Variants in TNIP2 observed in about 807,000 individuals in gnomAD.
The protein encoded by TNIP2 is TNFAIP3 interacting protein 2, also known as TNFAIP3-interacting protein 2.
Under a neutral mutation model 43.7 loss-of-function variants are expected in TNIP2, and 30 were observed. That is an observed-to-expected ratio of 0.69 (90% CI 0.51 to 0.93). TNIP2 has a LOEUF of 0.93. Among genes scored for constraint, TNIP2 ranks in the 40% least tolerant of loss-of-function variants. The probability of loss-of-function intolerance (pLI) is 0.00; values close to 1 mark genes in which losing one functional copy is unlikely to be tolerated. For synonymous variants in TNIP2, 260 were observed against 254.6 expected (o/e 1.02, Z -0.20); for missense variants, 599 against 591.0 (o/e 1.01, Z -0.14).
chr4:2,754,268 G>C (rs1722170380), intron 1 of TNIP2, among the ~76,000 whole-genome samples: 1 of 152,236 alleles, frequency 6.6e-6, no homozygotes, highest in African/African-American at 2.4e-5. Flanking sequence ...ATAGATGCCA[G>C]AGCTCACCCG....
chr4:2,751,304 A>G (rs1722096817), intron 1 of TNIP2, among the ~76,000 whole-genome samples: 1 of 152,226 alleles, frequency 6.6e-6, no homozygotes, highest in African/African-American at 2.4e-5. Context: ...ACTAGTCAGC[A>G]ACTGGGCTGA....
chr4:2,745,613 GC>G, intron 2 of TNIP2, 78 bp from the exon 3 acceptor site: 1 of 990,404 alleles, frequency 1.0e-6, no homozygotes, highest in Non-Finnish European at 1.6e-6. Flanking sequence ...AGAGGCTGAG[GC>G]CACAGATTAT....
At chr4:2,745,331 A>C (rs970119707) in intron 3 of TNIP2, 115 bp downstream of exon 3, 4 of 775,916 alleles carry the variant, frequency 5.2e-6, no homozygotes, top group African/African-American at 1.7e-5. Context: ...TGTGTGTATC[A>C]AGTCCTAGTG....
intron 3 of TNIP2, chr4:2,745,198 G>A (rs1721913350): frequency 3.3e-6 from 2 of 608,946 alleles, no homozygotes; most frequent in African/African-American, 3.7e-5. Flanking sequence ...CTTAGAAAAT[G>A]GACCTCCTGC....
chr4:2,747,348 G>C (rs73189423), intron 2 of TNIP2: 9,680 of 346,054 alleles, frequency 0.028, 197 homozygotes, highest in Middle Eastern at 0.073. Context: ...GCCAGGCTCA[G>C]CTCCTCCTCC....
intron 5 of TNIP2, among the ~76,000 whole-genome samples, chr4:2,743,842 G>A (rs535399579): frequency 6.6e-6 from 1 of 152,292 alleles, no homozygotes; most frequent in South Asian, 2.1e-4. Context: ...GAGGCCATGG[G>A]TCACACACTG....
chr4:2,744,455 C>A lies in TNIP2; in HGVS notation c.958G>T (p.Ala320Ser), dbSNP rs141335755. The change falls in exon 5 of 6, where the codon GCT (alanine) becomes TCT (serine). Residue 320 changes from alanine to serine, a missense_variant. Coordinates refer to ENST00000315423, the MANE Select transcript of TNIP2 (RefSeq NM_024309.4). This position sits in a 1 kb window ranked among gnomAD's most constrained non-coding sequence, Gnocchi z 5.1. The part of the protein sequence containing the change: ...FMSERADRER[A>S]QSRIQELEEK... Reference sequence around the variant, plus strand: ...TCCAGTTCTTGAATCCTACTTTGAGCCCGTTCCCGATCGGCCCTTTCTGAC... The same window carrying A: ...TCCAGTTCTTGAATCCTACTTTGAGACCGTTCCCGATCGGCCCTTTCTGAC... 12 of 1,614,226 alleles carry A rather than the reference C, an allele frequency of 7.4e-6. No individual in the cohort carries two copies. The African/African-American group carries it at 1.6e-4, about 22-fold the overall frequency.
intron 2 of TNIP2, chr4:2,747,342 G>C (rs2295498): frequency 0.81 from 255,445 of 315,764 alleles, 103,974 homozygotes; most frequent in Admixed American, 0.88. Flanking sequence ...AGCTCTGCCA[G>C]GCTCAGCTCC....
chr4:2,742,543 T>G, intron 5 of TNIP2, 23 bp from the exon 6 acceptor site: 1 of 1,542,150 alleles, frequency 6.5e-7, no homozygotes, highest in Non-Finnish European at 8.8e-7. Context: ...CAAGGGTGTA[T>G]ATACGTGGGC....
Position 2,756,006 on chromosome 4 carries a change from C to T in TNIP2, c.276+8G>A. ...CTCCCGCAGCTCCTCTGGTACCCGC[C>T]CTCGTACCTGGCGCATCTGGGCCTC... On this transcript the variant is annotated splice_region_variant and intron_variant, in intron 1 of 5. Coordinates refer to ENST00000315423, the MANE Select transcript of TNIP2 (RefSeq NM_024309.4). The T allele has an allele frequency of 1.9e-6, 3 of 1,546,118 alleles. No individual in the cohort carries two copies. The highest frequency in any genetic ancestry group is 2.6e-6 in the Non-Finnish European group (3 of 1,157,768).
intron 1 of TNIP2, among the ~76,000 whole-genome samples, 173 bp from the exon 2 acceptor site, chr4:2,748,118 T>C (rs1722003515): frequency 6.6e-6 from 1 of 152,232 alleles, no homozygotes; most frequent in Non-Finnish European, 1.5e-5. Context: ...AGTTGGGCAT[T>C]TGAACTATTA....
At chr4:2,754,198 T>C (rs1722168942) in intron 1 of TNIP2, among the ~76,000 whole-genome samples, 2 of 152,260 alleles carry the variant, frequency 1.3e-5, no homozygotes. Context: ...ACTACTGCCT[T>C]TGCAGGCTTA....
intron 2 of TNIP2, 108 bp from the exon 3 acceptor site, chr4:2,745,643 A>T: frequency 1.3e-6 from 1 of 749,784 alleles, no homozygotes. Context: ...CCCCCAGTGC[A>T]GCGGGTAGTG....
rs1577314873 is a variant in TNIP2 at position 2,756,076 on chromosome 4, C to A, written c.214G>T (p.Ala72Ser). Residue 72 changes from alanine to serine, a missense_variant, in exon 1 of 6, where the codon GCG becomes TCG. Physicochemically the swap from Ala to Ser is moderately conservative, Grantham distance 99. Transcript: ENST00000315423. ...CTTCGCAGCTGCTCCCGGAAGCGCG[C>A]AACCTGCTCCAGCAGCGCGTCCACT... is the stretch of plus-strand genomic sequence containing the variant. ...SLVDALLEQV[A>S]RFREQLRRQE... is the part of the protein sequence containing the mutation. The A allele has an allele frequency of 6.5e-7, 1 of 1,534,906 alleles. No homozygotes were observed. The highest frequency in any genetic ancestry group is 8.7e-7 in the Non-Finnish European group (1 of 1,153,090).
chr4:2,753,378 C>T (rs991468322), intron 1 of TNIP2, among the ~76,000 whole-genome samples: 2 of 152,048 alleles, frequency 1.3e-5, no homozygotes, highest in Non-Finnish European at 2.9e-5. Context: ...AGGTTGAGGC[C>T]ACAGTGAGCC....
At position 2,742,304 on chromosome 4, in the gene TNIP2, C is replaced by A. The variant is rs773328718; in HGVS notation, c.1243G>T (p.Glu415Ter). The change falls in exon 6 of 6, where the codon GAG becomes TAG. Residue 415 changes from glutamate to a stop codon, truncating the protein, a stop_gained. Transcript: ENST00000315423. LOFTEE classifies it high-confidence loss of function. ...TGCCTGAGGAGCTCTTCCCCTTGCTCGTCACTGAAGCACTGCAGGCAGTGA... is the reference window on the plus strand; with the variant it reads ...TGCCTGAGGAGCTCTTCCCCTTGCTAGTCACTGAAGCACTGCAGGCAGTGA... Reference protein sequence around the residue: ...CPHCLQCFSDEQGEELLRHVA... With the variant: ...CPHCLQCFSD 9.2e-6 allele frequency: 14 copies of A among 1,528,270 alleles called. No individual in the cohort carries two copies. Among genetic ancestry groups the A allele is most frequent in the African/African-American group, 1.4e-5 (1 of 72,016 alleles). 94.7% of individuals were successfully genotyped at this position (1,528,270 alleles called of 1,614,324 possible).
At chr4:2,742,615 C>T in intron 5 of TNIP2, 95 bp from the exon 6 acceptor site, 2 of 1,337,606 alleles carry the variant, frequency 1.5e-6, no homozygotes, top group Non-Finnish European at 2.0e-6. Flanking sequence ...TCACCTATCC[C>T]TGAGCGGAAC....
Position 2,744,809 on chromosome 4 carries a change from T to G in TNIP2, c.794A>C (p.Asn265Thr). ...ATTTATTTTCTCTTCCAACTGTCTG[T>G]TGAGCCGGGAGATCTCCTTCCTCAT... ...ELMRKEISRL[N>T]RQLEEKINDC... Residue 265 changes from asparagine (N) to threonine (T), a missense_variant, in exon 4 of 6, where the codon AAC becomes ACC. By Grantham distance (65) the Asn-to-Thr change is moderately conservative. Transcript: ENST00000315423. This position sits in a 1 kb window ranked among gnomAD's most constrained non-coding sequence, Gnocchi z 5.1. 1 of 1,613,668 alleles carries G rather than the reference T, an allele frequency of 6.2e-7. No individual in the cohort carries two copies. The highest frequency in any genetic ancestry group is 8.5e-7 in the Non-Finnish European group (1 of 1,180,060).
At chr4:2,747,421 A>C in intron 2 of TNIP2, 108 of 460,240 alleles carry the variant, frequency 2.3e-4, no homozygotes, top group East Asian at 3.2e-4. Context: ...GGGGTCGGCC[A>C]CAGGCCTGGT....
Sources: allele counts gnomAD v4.1 joint callset (sites outside exome capture counted in the v4.1 genomes callset), GRCh38; gene constraint gnomAD v4.1.1; non-coding constraint Gnocchi (gnomAD v3.1); transcripts MANE v1.5; gene names NCBI Gene and HGNC (gene_info 2026-07-23, HGNC 2026-07-21).